Variants in RELN observed in about 807,000 individuals in gnomAD.
The protein encoded by RELN is reelin.
Under a neutral mutation model 427.6 loss-of-function variants are expected in RELN, and 108 were observed. That is an observed-to-expected ratio of 0.25 (90% CI 0.22 to 0.30). RELN has a LOEUF of 0.30. Ranked by LOEUF, RELN falls within the 10% of genes least tolerant of loss-of-function variation. The probability of loss-of-function intolerance (pLI) is 1.00; values close to 1 mark genes in which losing one functional copy is unlikely to be tolerated. For missense variants in RELN, 3,715 were observed against 4,302.8 expected (o/e 0.86, Z 3.82); for synonymous variants, 1,524 against 1,513.4 (o/e 1.01, Z -0.16).
Position 103,989,493 on chromosome 7 carries a change from G to A in RELN, c.-137C>T, listed in dbSNP as rs984937990. 2.4e-5 allele frequency: 17 copies of A among 715,568 alleles called. 1 individual carries two copies. In the African/African-American group the frequency reaches 2.9e-4, roughly 12 times the overall value. The allele number at this position is 715,568 out of a possible 1,614,324, so 44.3% of individuals were successfully genotyped here. On this transcript the variant is annotated 5_prime_UTR_variant, in exon 1 of 65. Transcript: ENST00000428762. This position sits in a 1 kb window ranked among gnomAD's most constrained non-coding sequence, Gnocchi z 4.9. ...GGGAGCGGAACGGGCTCGGGAGCGGGCCTGGGAGCGGGCCCCCGCCGAGAA... is the reference window on the plus strand; with the variant it reads ...GGGAGCGGAACGGGCTCGGGAGCGGACCTGGGAGCGGGCCCCCGCCGAGAA...
intron 1 of RELN, among the ~76,000 whole-genome samples, chr7:103,976,651 T>G (rs1796885394): frequency 6.6e-6 from 1 of 152,114 alleles, no homozygotes; most frequent in Admixed American, 6.5e-5. Context: ...GAAGCTCCAG[T>G]AGCCATCCAA....
chr7:103,804,731 T>C (rs1001955523), intron 3 of RELN, among the ~76,000 whole-genome samples: 4 of 152,160 alleles, frequency 2.6e-5, no homozygotes, highest in Admixed American at 6.6e-5. Flanking sequence ...GGTTACTTCT[T>C]GTAACAAATC....
chr7:103,720,831 T>A (rs935374904), intron 8 of RELN, among the ~76,000 whole-genome samples: 1 of 152,112 alleles, frequency 6.6e-6, no homozygotes, highest in Non-Finnish European at 1.5e-5. Context: ...GTCACACCCT[T>A]ATACCTCGTA....
intron 2 of RELN, among the ~76,000 whole-genome samples, chr7:103,916,180 T>G (rs1202584303): frequency 6.6e-6 from 1 of 152,190 alleles, no homozygotes; most frequent in African/African-American, 2.4e-5. Context: ...ATGACTCATC[T>G]GGGCAGGGCT....
At chr7:103,810,523 T>C (rs983066744) in intron 3 of RELN, among the ~76,000 whole-genome samples, 1 of 152,214 alleles carries the variant, frequency 6.6e-6, no homozygotes, top group African/African-American at 2.4e-5. Flanking sequence ...GTCACATTCT[T>C]TCTTCGTGAC....
intron 8 of RELN, among the ~76,000 whole-genome samples, chr7:103,709,794 C>G (rs975017296): frequency 6.6e-6 from 1 of 152,122 alleles, no homozygotes; most frequent in African/African-American, 2.4e-5. Flanking sequence ...CTTAAAATAT[C>G]TACATTAAAT....
At chr7:103,506,048 G>A (rs931578893) in intron 51 of RELN, among the ~76,000 whole-genome samples, 3 of 152,076 alleles carry the variant, frequency 2.0e-5, no homozygotes, top group Non-Finnish European at 4.4e-5. Context: ...AGAAAAAAGA[G>A]TGAAAAGAAA....
intron 41 of RELN, among the ~76,000 whole-genome samples, chr7:103,549,158 G>C (rs1830360475): frequency 6.6e-6 from 1 of 152,098 alleles, no homozygotes; most frequent in African/African-American, 2.4e-5. Flanking sequence ...TCAGGCTGCT[G>C]TAACAAAATA....
At chr7:103,686,871 A>T (rs531867268) in intron 10 of RELN, among the ~76,000 whole-genome samples, 1 of 152,300 alleles carries the variant, frequency 6.6e-6, no homozygotes, top group African/African-American at 2.4e-5. Context: ...ATAAATTTCT[A>T]TCATTTTCCA....
At chr7:103,820,772 G>C (rs763143221) in intron 3 of RELN, among the ~76,000 whole-genome samples, 2 of 152,000 alleles carry the variant, frequency 1.3e-5, no homozygotes, top group Non-Finnish European at 2.9e-5. Flanking sequence ...TGAGGCACTT[G>C]ATGTGTTATC....
chr7:103,503,394 ACCATGATTGCC>A (rs1490356794), intron 51 of RELN, among the ~76,000 whole-genome samples, 164 bp from the exon 52 acceptor site: 1 of 152,198 alleles, frequency 6.6e-6, no homozygotes, highest in Non-Finnish European at 1.5e-5. Context: ...AGAGAAAGTC[ACCATGATTGCC>A]CCAGGTGACA....
intron 19 of RELN, among the ~76,000 whole-genome samples, chr7:103,631,998 G>T (rs1015952189): frequency 9.9e-5 from 15 of 151,988 alleles, no homozygotes; most frequent in African/African-American, 3.4e-4. Flanking sequence ...AATTTCCTAA[G>T]CAACTTTTAA....
chr7:103,969,309 T>C (rs1275701116), intron 1 of RELN, among the ~76,000 whole-genome samples: 1 of 152,238 alleles, frequency 6.6e-6, no homozygotes, highest in East Asian at 1.9e-4. Flanking sequence ...TCTGCCTTTT[T>C]CTCCATATTG....
intron 2 of RELN, among the ~76,000 whole-genome samples, chr7:103,904,078 T>C (rs879772763): frequency 2.0e-5 from 3 of 152,158 alleles, no homozygotes; most frequent in Non-Finnish European, 2.9e-5. Flanking sequence ...TTTGTTCAAC[T>C]CCCACTTATA....
At chr7:103,932,117 C>A (rs1795879472) in intron 1 of RELN, among the ~76,000 whole-genome samples, 1 of 152,116 alleles carries the variant, frequency 6.6e-6, no homozygotes. Context: ...TTCACAATAG[C>A]AAAGACATGG....
chr7:103,886,004 T>C (rs958513086), intron 2 of RELN, among the ~76,000 whole-genome samples: 2 of 152,176 alleles, frequency 1.3e-5, no homozygotes, highest in African/African-American at 2.4e-5. Context: ...AAAGAAGTTA[T>C]ATTATTTGTA....
chr7:103,852,594 C>G (rs929436320), intron 2 of RELN, among the ~76,000 whole-genome samples: 4 of 152,074 alleles, frequency 2.6e-5, no homozygotes, highest in Admixed American at 1.3e-4. Flanking sequence ...AAATTTCTAT[C>G]TATGTCCTTA....
chr7:103,561,911 A>G lies in RELN; in HGVS notation c.5253T>C (p.Thr1751=), dbSNP rs778619610. The G allele has an allele frequency of 7.1e-6, 11 of 1,548,692 alleles. No homozygotes were observed. The highest frequency in any genetic ancestry group is 4.4e-5 in the South Asian group (4 of 90,092). Residue 1751 remains threonine (T), a synonymous_variant, in exon 35 of 65, where the codon ACT becomes ACC. Coordinates refer to ENST00000428762, the MANE Select transcript of RELN (RefSeq NM_005045.4). ...CAATCGCCCAGGAATCAGCCCCCAC[A>G]GTGTAGTTGGCCTGAATCCATCTGA... ...TRFRWIQANY[T]VGADSWAIDN... is the part of the protein sequence containing the mutation.
At chr7:103,492,951 TATCGTATATGA>T (rs1828718347) in intron 57 of RELN, among the ~76,000 whole-genome samples, 1 of 152,188 alleles carries the variant, frequency 6.6e-6, no homozygotes, top group African/African-American at 2.4e-5. Context: ...GGTCCAAGTA[TATCGTATATGA>T]AATATTCAGA....
Sources: gnomAD v4.1 joint callset for allele counts (sites outside exome capture counted in the v4.1 genomes callset) on GRCh38, gnomAD v4.1.1 for gene constraint, Gnocchi (gnomAD v3.1) non-coding constraint, MANE v1.5 for transcripts, NCBI Gene and HGNC (gene_info 2026-07-23, HGNC 2026-07-21) for gene names.